The following CAMTA1 variants were observed in gnomAD, a reference collection of about 807,000 sequenced individuals.
CAMTA1 encodes the protein calmodulin-binding transcription activator 1.
CAMTA1 carries 27 observed loss-of-function variants against 170.9 expected under a neutral mutation model. The observed-to-expected ratio is 0.16, with a 90% CI of 0.12 to 0.22. The LOEUF (loss-of-function observed/expected upper bound fraction) is 0.22. Among genes scored for constraint, CAMTA1 ranks in the 10% least tolerant of loss-of-function variants. The pLI is 1.00. For missense variants in CAMTA1, 1,619 were observed against 2,217.2 expected, an observed-to-expected ratio of 0.73 and a Z score of 5.42; for synonymous variants, 833 against 891.5, an observed-to-expected ratio of 0.93 and a Z score of 1.17.
At chr1:6,914,560 C>T (rs1680392281) in intron 3 of CAMTA1, among the ~76,000 whole-genome samples, 1 of 152,226 alleles carries the variant, frequency 6.6e-6, no homozygotes, top group Admixed American at 6.5e-5. Flanking sequence ...AGTGGCCATG[C>T]AATGGCCATT....
At chr1:7,424,355 C>A (rs1199123277) in intron 5 of CAMTA1, among the ~76,000 whole-genome samples, 1 of 151,880 alleles carries the variant, frequency 6.6e-6, no homozygotes, top group East Asian at 1.9e-4. Flanking sequence ...TTTTCTTATT[C>A]TCTGCCAGAT....
chr1:6,863,574 G>A (rs143437265), intron 3 of CAMTA1, among the ~76,000 whole-genome samples: 42 of 152,356 alleles, frequency 2.8e-4, no homozygotes, highest in Non-Finnish European at 5.0e-4. Flanking sequence ...CGTGTTCTCA[G>A]TGAAGGGTAC....
intron 6 of CAMTA1, among the ~76,000 whole-genome samples, chr1:7,480,637 C>T (rs1356674613): frequency 3.3e-5 from 5 of 152,048 alleles, no homozygotes; most frequent in Middle Eastern, 3.2e-3. Flanking sequence ...TCCTTATGAA[C>T]GCTCCCTGCT....
intron 6 of CAMTA1, among the ~76,000 whole-genome samples, chr1:7,541,726 T>C (rs1320472657): frequency 1.3e-5 from 2 of 152,262 alleles, no homozygotes; most frequent in African/African-American, 2.4e-5. Context: ...TTGGTTGTTC[T>C]GTGGTCACGT....
intron 6 of CAMTA1, among the ~76,000 whole-genome samples, chr1:7,553,535 T>C (rs1230456448): frequency 6.6e-6 from 1 of 152,220 alleles, no homozygotes; most frequent in Non-Finnish European, 1.5e-5. Flanking sequence ...TAAGCGAAGC[T>C]CAGGGTTCTG....
intron 5 of CAMTA1, among the ~76,000 whole-genome samples, chr1:7,277,189 C>T (rs759809588): frequency 5.3e-5 from 8 of 152,134 alleles, no homozygotes; most frequent in Non-Finnish European, 7.4e-5. Context: ...TCTCATCAGA[C>T]TTTTTTGTAG....
At chr1:7,627,733 T>C (rs2095642871) in intron 6 of CAMTA1, among the ~76,000 whole-genome samples, 1 of 152,238 alleles carries the variant, frequency 6.6e-6, no homozygotes, top group Non-Finnish European at 1.5e-5. Flanking sequence ...TTTGATGGAC[T>C]ACTTAATTCC....
chr1:7,156,808 C>G (rs1179466057), intron 4 of CAMTA1, among the ~76,000 whole-genome samples: 1 of 152,152 alleles, frequency 6.6e-6, no homozygotes, highest in East Asian at 1.9e-4. Flanking sequence ...ACAGTTTAGA[C>G]AGTCTTGTCT....
At chr1:7,328,884 C>T (rs972619876) in intron 5 of CAMTA1, among the ~76,000 whole-genome samples, 1 of 152,094 alleles carries the variant, frequency 6.6e-6, no homozygotes, top group African/African-American at 2.4e-5. Context: ...ATTAAACAAA[C>T]TAATTTTATA....
intron 4 of CAMTA1, among the ~76,000 whole-genome samples, chr1:7,221,223 CTT>C (rs5772270): frequency 2.1e-4 from 30 of 144,350 alleles, no homozygotes; most frequent in African/African-American, 3.0e-4. Context: ...GAGCCTTATT[CTT>C]TTTTTTTTTT....
chr1:7,744,871 G>T lies in CAMTA1; in HGVS notation c.4219G>T (p.Ala1407Ser). 6.2e-7 allele frequency: 1 copy of T among 1,614,016 alleles called. No individual in the cohort carries two copies. The highest frequency in any genetic ancestry group is 1.6e-4 in the Middle Eastern group (1 of 6,062). ...GACCTTGGCAGAACACATTATTGAAGCCACACCTGACCGAATCAAGCAGGA... is the reference window on the plus strand; with the variant it reads ...GACCTTGGCAGAACACATTATTGAATCCACACCTGACCGAATCAAGCAGGA... ...MMTLAEHIIEATPDRIKQENF... is the reference protein window; with the variant it reads ...MMTLAEHIIESTPDRIKQENF... Residue 1407 changes from alanine (A) to serine (S), a missense_variant, in exon 17 of 23, where the codon GCC (alanine) becomes TCC (serine). This residue lies in a region of CAMTA1 where 370 missense variants were observed against 429.4 expected (regional missense o/e 0.86). Coordinates refer to ENST00000303635, the MANE Select transcript of CAMTA1 (RefSeq NM_015215.4).
chr1:7,286,952 G>A lies in CAMTA1; in HGVS notation c.438+37326G>A, dbSNP rs1357456540. 6.6e-6 allele frequency among the ~76,000 whole-genome samples: 1 copy of A among 152,218 alleles called. No individual in the cohort carries two copies. The highest frequency in any genetic ancestry group is 1.5e-5 in the Non-Finnish European group (1 of 68,036). ...TGACACTCAGTAAACAGAAGCTGGA[G>A]CTACTCTTACCTCTATCACTGTAAG... is the stretch of plus-strand genomic sequence containing the variant. On this transcript the variant is annotated intron_variant, in intron 5 of 22. Transcript: ENST00000303635. This position sits in a 1 kb window ranked among gnomAD's most constrained non-coding sequence, Gnocchi z 4.2.
chr1:7,074,792 C>T (rs55980487), intron 3 of CAMTA1, among the ~76,000 whole-genome samples: 27,766 of 152,146 alleles, frequency 0.18, 4,077 homozygotes, highest in African/African-American at 0.4. Flanking sequence ...CACATAGGAA[C>T]GATCATTATT....
At chr1:7,211,335 C>G (rs961693808) in intron 4 of CAMTA1, among the ~76,000 whole-genome samples, 9 of 152,162 alleles carry the variant, frequency 5.9e-5, no homozygotes, top group Non-Finnish European at 1.0e-4. Flanking sequence ...TGACTCAGAC[C>G]CCTATCAAGT....
chr1:7,264,270 G>A (rs1208209185), intron 5 of CAMTA1, among the ~76,000 whole-genome samples: 1 of 152,222 alleles, frequency 6.6e-6, no homozygotes, highest in Non-Finnish European at 1.5e-5. Flanking sequence ...TGCTGCTGGT[G>A]CCACGGATCC....
chr1:6,871,806 C>G, intron 3 of CAMTA1: 1 of 1,531,566 alleles, frequency 6.5e-7, no homozygotes, highest in South Asian at 1.2e-5. Flanking sequence ...AATGTGTGAC[C>G]CTTCACCTTT....
At chr1:7,679,502 C>A (rs866369179) in intron 11 of CAMTA1, among the ~76,000 whole-genome samples, 1 of 152,180 alleles carries the variant, frequency 6.6e-6, no homozygotes, top group Non-Finnish European at 1.5e-5. Context: ...ATGACAGACA[C>A]ACCCCGGGAC....
chr1:7,428,852 A>G (rs2149350648), intron 5 of CAMTA1, among the ~76,000 whole-genome samples: 1 of 152,062 alleles, frequency 6.6e-6, no homozygotes, highest in South Asian at 2.1e-4. Context: ...TCCTGCAGCT[A>G]GCACCGGTGC....
intron 4 of CAMTA1, among the ~76,000 whole-genome samples, chr1:7,130,022 C>T (rs1179355406): frequency 2.0e-5 from 3 of 151,848 alleles, no homozygotes; most frequent in Non-Finnish European, 4.4e-5. Flanking sequence ...CTGAAACCTC[C>T]ACCTCCCAGG....
Sources: allele counts gnomAD v4.1 joint callset (sites outside exome capture counted in the v4.1 genomes callset), GRCh38; gene constraint gnomAD v4.1.1; regional missense constraint gnomAD v4.1.1; non-coding constraint Gnocchi (gnomAD v3.1); transcripts MANE v1.5; gene names NCBI Gene and HGNC (gene_info 2026-07-23, HGNC 2026-07-21).